Variants in WWC1 observed in about 807,000 individuals in gnomAD.
WWC1 encodes the protein WW and C2 domain containing 1.
Under a neutral mutation model 138.4 loss-of-function variants are expected in WWC1, and 55 were observed. That is an observed-to-expected ratio of 0.40 (90% CI 0.32 to 0.50). WWC1 has a LOEUF of 0.50. WWC1 is among the 20% of genes least tolerant of loss of function. WWC1 has a pLI of 0.72. For missense variants in WWC1, 1,226 were observed against 1,420.4 expected, an observed-to-expected ratio of 0.86 and a Z score of 2.20; for synonymous variants, 524 against 564.9, an observed-to-expected ratio of 0.93 and a Z score of 1.03.
intron 1 of WWC1, among the ~76,000 whole-genome samples, chr5:168,334,803 G>T (rs1213723957): frequency 3.9e-5 from 6 of 152,254 alleles, no homozygotes; most frequent in African/African-American, 1.4e-4. Context: ...GTTAGGCCCA[G>T]CTTCCAGCAG....
chr5:168,333,041 C>T (rs1410420305), intron 1 of WWC1, among the ~76,000 whole-genome samples: 4 of 152,158 alleles, frequency 2.6e-5, no homozygotes, highest in Non-Finnish European at 5.9e-5. Context: ...GGTGGGGGAA[C>T]CCTTCAAGTC....
At chr5:168,410,471 C>T (rs1301187646) in intron 8 of WWC1, among the ~76,000 whole-genome samples, 1 of 152,228 alleles carries the variant, frequency 6.6e-6, no homozygotes, top group Middle Eastern at 3.2e-3. Flanking sequence ...GAATCCTAAG[C>T]AATCAGGTTC....
intron 7 of WWC1, 26 bp from the exon 8 acceptor site, chr5:168,409,896 T>C (rs747632910): frequency 1.2e-6 from 2 of 1,613,610 alleles, no homozygotes; most frequent in South Asian, 2.2e-5. Context: ...AGCCACATAA[T>C]TCCTGACTTT....
intron 1 of WWC1, among the ~76,000 whole-genome samples, chr5:168,363,697 A>G (rs370936385): frequency 2.0e-5 from 3 of 152,248 alleles, no homozygotes; most frequent in African/African-American, 7.2e-5. Flanking sequence ...CTAACAGCCA[A>G]TGTAGATTGA....
chr5:168,341,549 C>G (rs1774036488), intron 1 of WWC1, among the ~76,000 whole-genome samples: 1 of 152,100 alleles, frequency 6.6e-6, no homozygotes, highest in South Asian at 2.1e-4. Flanking sequence ...AATTCCCATC[C>G]CTGCCTCTCA....
intron 1 of WWC1, among the ~76,000 whole-genome samples, chr5:168,324,278 A>G (rs977070733): frequency 6.6e-6 from 1 of 152,168 alleles, no homozygotes; most frequent in African/African-American, 2.4e-5. Context: ...TACTAAAAGT[A>G]CAAAAATTAG....
intron 8 of WWC1, 115 bp downstream of exon 8, chr5:168,410,110 A>G: frequency 9.8e-7 from 1 of 1,023,974 alleles, no homozygotes; most frequent in Admixed American, 2.0e-5. Context: ...CCTCACAAAG[A>G]TTATGAAGAT....
Position 168,467,593 on chromosome 5 carries a change from A to C in WWC1, c.3151-247A>C, listed in dbSNP as rs1808372. The C allele has an allele frequency of 8.2e-3, 3,836 of 468,942 alleles. 128 individuals are homozygous for C. Among genetic ancestry groups the C allele is most frequent in the African/African-American group, 0.067 (3,438 of 51,366 alleles). 29.0% of individuals were successfully genotyped at this position (468,942 alleles called of 1,614,324 possible). A position where few individuals can be genotyped will look rare whatever the true frequency, so the allele number is the denominator to read the frequency against. ...AGGATTAGAGGTAGCGCACATTTCA[A>C]CAGGCAGCCCTCATCTCCTCAATTC... On this transcript the variant is annotated intron_variant, in intron 21 of 22. Transcript: ENST00000265293.
chr5:168,470,951 T>A lies in WWC1; in HGVS notation c.*1934T>A, dbSNP rs1471243901. On this transcript the variant is annotated 3_prime_UTR_variant, in exon 23 of 23. Transcript: ENST00000265293. ...ACCCATGTTCCCTCTGTAAGTCTTA[T>A]GCACACCGCAATTTGAGAGCCCCAC... is the stretch of plus-strand genomic sequence containing the variant. 1.3e-5 allele frequency: 2 copies of A among 152,326 alleles called. No homozygotes were observed. The highest frequency in any genetic ancestry group is 1.3e-4 in the Admixed American group (2 of 15,282). The allele number at this position is 152,326 out of a possible 1,614,324, so 9.4% of individuals were successfully genotyped here.
intron 20 of WWC1, among the ~76,000 whole-genome samples, chr5:168,462,016 G>A (rs13189009): frequency 0.32 from 47,686 of 150,940 alleles, 8,734 homozygotes; most frequent in Middle Eastern, 0.44. Context: ...AGATCGCGCC[G>A]TTGCACTCCA....
intron 8 of WWC1, among the ~76,000 whole-genome samples, chr5:168,410,966 G>A (rs7718577): frequency 0.46 from 62,830 of 136,454 alleles, 16,996 homozygotes; most frequent in African/African-American, 0.76. Flanking sequence ...ACGGAGTCTC[G>A]CTCTGTCACC....
In WWC1 at chr5:168,371,466, G is replaced by T; in HGVS notation, c.162G>T (p.Glu54Asp). ...PLTFADCISD[E>D]LPLGWEEAYD... ...CCTTTGCTGACTGCATTAGTGATGA[G>T]TTGCCGCTAGGATGGGAAGAGGCAT... The change falls in exon 2 of 23, where the codon GAG (glutamate) becomes GAT (aspartate). Residue 54 changes from glutamate to aspartate, a missense_variant. Physicochemically the swap from Glu to Asp is conservative, Grantham distance 45 (BLOSUM62 2). Coordinates refer to ENST00000265293, the MANE Select transcript of WWC1 (RefSeq NM_015238.3). 6.2e-7 allele frequency: 1 copy of T among 1,614,134 alleles called. No individual in the cohort carries two copies. The highest frequency in any genetic ancestry group is 8.5e-7 in the Non-Finnish European group (1 of 1,180,006).
chr5:168,353,830 C>T (rs538593710), intron 1 of WWC1, among the ~76,000 whole-genome samples: 23 of 152,310 alleles, frequency 1.5e-4, no homozygotes, highest in Non-Finnish European at 2.2e-4. Context: ...CCAGCATGCA[C>T]GGATTTCACC....
chr5:168,412,239 GC>G (rs1435761260), intron 8 of WWC1: 2 of 971,160 alleles, frequency 2.1e-6, no homozygotes, highest in African/African-American at 3.5e-5. Context: ...CCTCTTGCTT[GC>G]CCCTCCACCC....
intron 5 of WWC1, among the ~76,000 whole-genome samples, chr5:168,400,310 T>C (rs1235490207): frequency 6.6e-6 from 1 of 152,192 alleles, no homozygotes; most frequent in Non-Finnish European, 1.5e-5. Context: ...TTAGTTATTC[T>C]TCCTGATCCT....
At chr5:168,388,472 A>G (rs1385598355) in intron 3 of WWC1, among the ~76,000 whole-genome samples, 1 of 152,170 alleles carries the variant, frequency 6.6e-6, no homozygotes, top group Non-Finnish European at 1.5e-5. Flanking sequence ...ATGAAGATGC[A>G]TGTGGCAACA....
Position 168,431,457 on chromosome 5 carries a change from T to TCTGGCTGGCTGGCTGGCTGGCTGGCTGG in WWC1, c.2280+33_2280+60dup. ...GGAAGAGTGCCTGGTAAGGGCCGTG[T>TCTGGCTGGCTGGCTGGCTGGCTGGCTGG]CTGGCTGGCTGGCTGGCTGGCTGGC... On this transcript the variant is annotated intron_variant, in intron 15 of 22. Coordinates refer to ENST00000265293, the MANE Select transcript of WWC1 (RefSeq NM_015238.3). The TCTGGCTGGCTGGCTGGCTGGCTGGCTGG allele has an allele frequency of 7.3e-7, 1 of 1,360,572 alleles. No homozygotes were observed. Among genetic ancestry groups the TCTGGCTGGCTGGCTGGCTGGCTGGCTGG allele is most frequent in the South Asian group, 1.4e-5 (1 of 70,348 alleles). The allele number at this position is 1,360,572 out of a possible 1,614,324, so 84.3% of individuals were successfully genotyped here.
chr5:168,359,676 A>G (rs187556170), intron 1 of WWC1, among the ~76,000 whole-genome samples: 1 of 152,278 alleles, frequency 6.6e-6, no homozygotes, highest in East Asian at 1.9e-4. Context: ...TTTCAAGGTT[A>G]GTTTTTTTTG....
chr5:168,434,037 C>A (rs940931567), intron 15 of WWC1, among the ~76,000 whole-genome samples: 2 of 152,230 alleles, frequency 1.3e-5, no homozygotes, highest in Admixed American at 1.3e-4. Context: ...GCACAGGGCT[C>A]CCTGGAGCCC....
Sources: gnomAD v4.1 joint callset for allele counts (sites outside exome capture counted in the v4.1 genomes callset) on GRCh38, gnomAD v4.1.1 for gene constraint, MANE v1.5 for transcripts, NCBI Gene and HGNC (gene_info 2026-07-23, HGNC 2026-07-21) for gene names.